The following FGF12 variants were observed in gnomAD, a reference collection of about 807,000 sequenced individuals.
The protein encoded by FGF12 is fibroblast growth factor 12, also known as fibroblast growth factor 12B.
FGF12 carries 14 observed loss-of-function variants against 23.6 expected under a neutral mutation model. The ratio of observed to expected loss-of-function variants is 0.59; its 90% confidence interval spans 0.39 to 0.93. The LOEUF is 0.93. Among genes scored for constraint, FGF12 ranks in the 40% least tolerant of loss-of-function variants. FGF12 has a pLI of 0.00. For missense variants in FGF12, 175 were observed against 217.8 expected (o/e 0.80, Z 1.24); for synonymous variants, 62 against 77.3 (o/e 0.80, Z 1.04).
intron 2 of FGF12, among the ~76,000 whole-genome samples, chr3:192,604,478 C>A (rs1450505859): frequency 6.6e-6 from 1 of 152,174 alleles, no homozygotes; most frequent in Non-Finnish European, 1.5e-5. Flanking sequence ...TGACTTCCCA[C>A]AACAGGAATG....
At chr3:192,534,408 A>AT (rs1725177656) in intron 2 of FGF12, among the ~76,000 whole-genome samples, 1 of 151,784 alleles carries the variant, frequency 6.6e-6, no homozygotes, top group Non-Finnish European at 1.5e-5. Flanking sequence ...TTTTATTTTT[A>AT]TTTTTTAGAT....
At chr3:192,210,644 T>C (rs1464226365) in intron 4 of FGF12, among the ~76,000 whole-genome samples, 1 of 152,202 alleles carries the variant, frequency 6.6e-6, no homozygotes, top group Admixed American at 6.5e-5. Flanking sequence ...ACCTCGGTAT[T>C]TGTCATAGAA....
chr3:192,302,763 G>T (rs879300336), intron 4 of FGF12, among the ~76,000 whole-genome samples: 1 of 152,200 alleles, frequency 6.6e-6, no homozygotes, highest in South Asian at 2.1e-4. Flanking sequence ...GGTACATGTG[G>T]AAAGTTTTGT....
At chr3:192,355,144 T>G (rs1718410653) in intron 3 of FGF12, among the ~76,000 whole-genome samples, 1 of 152,228 alleles carries the variant, frequency 6.6e-6, no homozygotes. Context: ...GACCCAGCAA[T>G]TCTACTTCTA....
intron 2 of FGF12, among the ~76,000 whole-genome samples, chr3:192,488,605 C>A (rs1723708119): frequency 6.6e-6 from 1 of 152,088 alleles, no homozygotes; most frequent in South Asian, 2.1e-4. Flanking sequence ...AATTCTACCA[C>A]CTTATCACCA....
chr3:192,439,402 G>A (rs1467979740), intron 2 of FGF12, among the ~76,000 whole-genome samples: 1 of 152,150 alleles, frequency 6.6e-6, no homozygotes, highest in Admixed American at 6.5e-5. Context: ...TCCATGTAAT[G>A]CAACTCCTAT....
chr3:192,652,535 A>C (rs1716251345), intron 2 of FGF12, among the ~76,000 whole-genome samples: 1 of 152,218 alleles, frequency 6.6e-6, no homozygotes, highest in African/African-American at 2.4e-5. Flanking sequence ...GAGGATGTTT[A>C]CTTGCTCTTG....
chr3:192,542,831 C>G (rs1005744900), intron 2 of FGF12, among the ~76,000 whole-genome samples: 1 of 152,114 alleles, frequency 6.6e-6, no homozygotes, highest in Non-Finnish European at 1.5e-5. Context: ...GGAAAAGACT[C>G]ATGTTCTCTT....
chr3:192,320,872 A>C (rs1716496257), intron 4 of FGF12, among the ~76,000 whole-genome samples: 1 of 152,056 alleles, frequency 6.6e-6, no homozygotes, highest in African/African-American at 2.4e-5. Flanking sequence ...AAACATTTCT[A>C]ATAAACCTAA....
At chr3:192,158,762 A>G (rs1428117884) in intron 5 of FGF12, among the ~76,000 whole-genome samples, 2 of 142,360 alleles carry the variant, frequency 1.4e-5, no homozygotes, top group African/African-American at 5.4e-5. Context: ...CAAGACAATA[A>G]ACTGTCTGAC....
chr3:192,547,648 CT>C (rs1328739434), intron 2 of FGF12, among the ~76,000 whole-genome samples: 4 of 152,166 alleles, frequency 2.6e-5, no homozygotes, highest in Admixed American at 2.6e-4. Context: ...AAACAGTTTG[CT>C]GAATTCACAA....
chr3:192,289,515 T>C (rs558591747), intron 4 of FGF12, among the ~76,000 whole-genome samples: 1 of 152,232 alleles, frequency 6.6e-6, no homozygotes, highest in South Asian at 2.1e-4. Context: ...GAAAATACAA[T>C]GACCATTCTA....
chr3:192,568,389 G>A (rs13099788), intron 2 of FGF12, among the ~76,000 whole-genome samples: 1,924 of 152,048 alleles, frequency 0.013, 37 homozygotes, highest in African/African-American at 0.043. Context: ...CTACCCTTCC[G>A]TGTGTTTAGT....
chr3:192,399,173 C>G (rs1720654854), intron 2 of FGF12, among the ~76,000 whole-genome samples: 1 of 151,986 alleles, frequency 6.6e-6, no homozygotes, highest in East Asian at 1.9e-4. Flanking sequence ...TGTCCCTCCC[C>G]CTGCCCAATG....
At chr3:192,288,194 C>T (rs188372240) in intron 4 of FGF12, among the ~76,000 whole-genome samples, 83 of 152,208 alleles carry the variant, frequency 5.5e-4, no homozygotes, top group African/African-American at 1.9e-3. Flanking sequence ...TGCAATGCTA[C>T]TCTGTGTGAC....
chr3:192,723,973 G>T, intron 2 of FGF12, among the ~76,000 whole-genome samples: 1 of 123,022 alleles, frequency 8.1e-6, no homozygotes, highest in Admixed American at 8.0e-5. Context: ...AAGGAGGGGA[G>T]GGGAGGAGAG....
chr3:192,583,552 A>T (rs955872452), intron 2 of FGF12, among the ~76,000 whole-genome samples: 9 of 152,210 alleles, frequency 5.9e-5, no homozygotes, highest in Non-Finnish European at 1.0e-4. Flanking sequence ...AAAAAGACTG[A>T]AGCAGTTTTG....
intron 2 of FGF12, among the ~76,000 whole-genome samples, chr3:192,505,956 A>C (rs866879716): frequency 6.6e-6 from 1 of 152,230 alleles, no homozygotes; most frequent in Non-Finnish European, 1.5e-5. Flanking sequence ...ACGAATATTC[A>C]TGAAAGTAGT....
At chr3:192,719,158 C>A (rs1718955773) in intron 2 of FGF12, among the ~76,000 whole-genome samples, 1 of 152,150 alleles carries the variant, frequency 6.6e-6, no homozygotes, top group African/African-American at 2.4e-5. Context: ...GGAACATGCA[C>A]CATGTGTATT....
Sources: gnomAD v4.1 joint callset for allele counts (sites outside exome capture counted in the v4.1 genomes callset) on GRCh38, gnomAD v4.1.1 for gene constraint, MANE v1.5 for transcripts, NCBI Gene and HGNC (gene_info 2026-07-23, HGNC 2026-07-21) for gene names.